The following NKAIN1 variants were observed in gnomAD, a reference collection of about 807,000 sequenced individuals.
NKAIN1 encodes sodium/potassium-transporting ATPase subunit beta-1-interacting protein 1.
In NKAIN1, 13 loss-of-function variants were observed where a neutral mutation model predicts 31.6. The ratio of observed to expected loss-of-function variants is 0.41; its 90% CI spans 0.27 to 0.65. The LOEUF (loss-of-function observed/expected upper bound fraction) is 0.65, where lower values mean the gene tolerates loss of function less well. Ranked by LOEUF, NKAIN1 falls within the 30% of genes least tolerant of loss-of-function variation. The pLI, the probability that NKAIN1 is intolerant of heterozygous loss-of-function variation, is 0.30. For missense variants in NKAIN1, 193 were observed against 262.2 expected (o/e 0.74, Z 1.82); for synonymous variants, 104 against 109.0 (o/e 0.95, Z 0.28).
rs148923310 is a variant in NKAIN1 at position 31,189,606 on chromosome 1, T to C, written c.55-1419A>G. Among the ~76,000 whole-genome samples the C allele has an allele frequency of 4.0e-3, 613 of 152,332 alleles. 37 individuals are homozygous for C. The East Asian group carries it at 0.098, about 24-fold the overall frequency. On this transcript the variant is annotated intron_variant, in intron 1 of 6. Transcript: ENST00000373736. The stretch of plus-strand genomic sequence containing the variant: ...TGCTGGGATTATAGGCGTGAGCCAC[T>C]GCGCCCAGCCAAATTTTGCTTTAAA...
chr1:31,211,293 A>G (rs905937966), intron 1 of NKAIN1, among the ~76,000 whole-genome samples: 1 of 152,256 alleles, frequency 6.6e-6, no homozygotes, highest in African/African-American at 2.4e-5. Flanking sequence ...AGAGCTACTA[A>G]TTTAGGTCAG....
At chr1:31,204,742 C>T (rs986867283) in intron 1 of NKAIN1, among the ~76,000 whole-genome samples, 1 of 152,190 alleles carries the variant, frequency 6.6e-6, no homozygotes, top group African/African-American at 2.4e-5. Flanking sequence ...GCCAAAAACT[C>T]ATGGCAGAAA....
chr1:31,216,690 T>TTTTATCTATTTATCTATTTA (rs369336386), intron 1 of NKAIN1, among the ~76,000 whole-genome samples: 24,753 of 140,480 alleles, frequency 0.18, 2,537 homozygotes, highest in East Asian at 0.27. Context: ...TGGCATTGAC[T>TTTTATCTATTTATCTATTTA]TTTATTTATT....
Position 31,186,062 on chromosome 1 carries a change from T to TAAA in NKAIN1, c.193-738_193-736dup, listed in dbSNP as rs765519205. Among the ~76,000 whole-genome samples the TAAA allele has an allele frequency of 1.9e-4, 25 of 130,272 alleles. No individual in the cohort carries two copies. In the East Asian group the frequency reaches 4.6e-3, roughly 24 times the overall value. The allele number at this position is 130,272 out of a possible 152,430, so 85.5% of individuals were successfully genotyped here. A position where few individuals can be genotyped will look rare whatever the true frequency, so the allele number is the denominator to read the frequency against. ...GGGCAATATGGAGAAAACCCATATT[T>TAAA]AAAAAAAAAAAAAAAAGAGGCCAGG... On this transcript the variant is annotated intron_variant, in intron 2 of 6. Transcript: ENST00000373736.
At chr1:31,201,127 G>A (rs966600988) in intron 1 of NKAIN1, among the ~76,000 whole-genome samples, 18 of 152,106 alleles carry the variant, frequency 1.2e-4, no homozygotes, top group Non-Finnish European at 1.5e-5. Flanking sequence ...GCTAAATCCC[G>A]AGAACACAGT....
intron 1 of NKAIN1, among the ~76,000 whole-genome samples, chr1:31,219,424 C>A (rs766656970): frequency 6.6e-6 from 1 of 152,244 alleles, no homozygotes; most frequent in Non-Finnish European, 1.5e-5. Flanking sequence ...AGCCCCGGCA[C>A]GCCCTGACAG....
At chr1:31,194,066 G>A (rs1645305582) in intron 1 of NKAIN1, 1 of 152,198 alleles carries the variant, frequency 6.6e-6, no homozygotes, top group South Asian at 2.1e-4. Context: ...AGTGAGCTGG[G>A]GTGAAAGTTC....
Position 31,239,793 on chromosome 1 carries a change from C to G in NKAIN1, c.-246G>C, listed in dbSNP as rs1394364391. Among the ~76,000 whole-genome samples, 1 of 151,784 alleles carries G rather than the reference C, an allele frequency of 6.6e-6. No individual in the cohort carries two copies. On this transcript the variant is annotated 5_prime_UTR_variant, in exon 1 of 7. Transcript: ENST00000373736. This position sits in a 1 kb window ranked among gnomAD's most constrained non-coding sequence, Gnocchi z 4.8. ...GCCGCGCCTCCTTTGTCTAGCGGGC[C>G]GTCCGTCAGGCGCGCCTCCTGCCCC...
At chr1:31,217,537 C>T (rs1377540133) in intron 1 of NKAIN1, among the ~76,000 whole-genome samples, 1 of 152,198 alleles carries the variant, frequency 6.6e-6, no homozygotes, top group Admixed American at 6.5e-5. Flanking sequence ...TACCAACCCC[C>T]ACCCGGAAAC....
intron 1 of NKAIN1, among the ~76,000 whole-genome samples, chr1:31,211,367 A>T (rs1019212844): frequency 5.3e-5 from 8 of 152,372 alleles, no homozygotes; most frequent in African/African-American, 1.7e-4. Flanking sequence ...TTGACAATGA[A>T]CAATCTAAAC....
chr1:31,200,013 G>GCACA (rs370729911), intron 1 of NKAIN1, among the ~76,000 whole-genome samples: 2 of 95,164 alleles, frequency 2.1e-5, no homozygotes, highest in African/African-American at 6.2e-5. Context: ...GCACACACAT[G>GCACA]CACACACACA....
At chr1:31,216,355 G>T (rs1022902212) in intron 1 of NKAIN1, among the ~76,000 whole-genome samples, 6 of 152,114 alleles carry the variant, frequency 3.9e-5, no homozygotes, top group African/African-American at 1.4e-4. Flanking sequence ...TTCATCCCCA[G>T]AATGACACTG....
chr1:31,194,697 G>A (rs901605213), intron 1 of NKAIN1, among the ~76,000 whole-genome samples: 6 of 149,856 alleles, frequency 4.0e-5, no homozygotes, highest in Admixed American at 6.7e-5. Context: ...GTGAGCCCCT[G>A]CACCTGGCCT....
intron 1 of NKAIN1, among the ~76,000 whole-genome samples, chr1:31,208,202 G>A (rs556155569): frequency 3.3e-5 from 5 of 152,206 alleles, no homozygotes; most frequent in East Asian, 1.9e-4. Context: ...CCCTAAGCCC[G>A]TTTCCTCATC....
chr1:31,239,020 C>T lies in NKAIN1; in HGVS notation c.54+474G>A, dbSNP rs1417251502. Among the ~76,000 whole-genome samples the T allele has an allele frequency of 6.6e-6, 1 of 151,946 alleles. No individual in the cohort carries two copies. Among genetic ancestry groups the T allele is most frequent in the African/African-American group, 2.4e-5 (1 of 41,350 alleles). ...AAGAGAAACCCTGAGAGACACACGC[C>T]GGAGCAGAGACTTTGTGAGAAACGC... On this transcript the variant is annotated intron_variant, in intron 1 of 6. Transcript: ENST00000373736. The surrounding 1 kb of genome is among the most constrained non-coding windows in gnomAD (Gnocchi z 4.8).
chr1:31,189,890 C>G (rs1337657717), intron 1 of NKAIN1, among the ~76,000 whole-genome samples: 2 of 152,148 alleles, frequency 1.3e-5, no homozygotes, highest in African/African-American at 4.8e-5. Context: ...CCTTGGCCAC[C>G]TCAGGTGGAT....
intron 1 of NKAIN1, among the ~76,000 whole-genome samples, chr1:31,203,455 C>T (rs1158182897): frequency 1.3e-5 from 2 of 151,998 alleles, no homozygotes; most frequent in East Asian, 3.8e-4. Context: ...AGTAGGACAA[C>T]GCTGTTTTCA....
chr1:31,237,089 A>T (rs1258458531), intron 1 of NKAIN1, among the ~76,000 whole-genome samples: 1 of 152,062 alleles, frequency 6.6e-6, no homozygotes, highest in African/African-American at 2.4e-5. Context: ...CCCACCTCTA[A>T]AACACAAAAA....
At chr1:31,185,372 G>T (rs753532553) in intron 2 of NKAIN1, 45 bp from the exon 3 acceptor site, 2 of 1,490,014 alleles carry the variant, frequency 1.3e-6, no homozygotes, top group East Asian at 2.4e-5. Context: ...TGGGGAGTGG[G>T]GGATGGGGAG....
Sources: gnomAD v4.1 joint callset for allele counts (sites outside exome capture counted in the v4.1 genomes callset) on GRCh38, gnomAD v4.1.1 for gene constraint, Gnocchi (gnomAD v3.1) non-coding constraint, MANE v1.5 for transcripts, NCBI Gene and HGNC (gene_info 2026-07-23, HGNC 2026-07-21) for gene names.